Variants in CIAO1 observed in about 807,000 individuals in gnomAD.
CIAO1 encodes probable cytosolic iron-sulfur protein assembly protein CIAO1.
CIAO1 carries 32 observed loss-of-function variants against 43.1 expected under a neutral mutation model. That is an observed-to-expected ratio of 0.74 (90% CI 0.56 to 1.00). The LOEUF is 1.00. Ranked by LOEUF, CIAO1 falls within the 50% of genes least tolerant of loss-of-function variation. CIAO1 has a pLI of 0.00. For synonymous variants in CIAO1, 183 were observed against 171.4 expected (o/e 1.07, Z -0.53); for missense variants, 415 against 437.4 (o/e 0.95, Z 0.46).
At position 96,266,359 on chromosome 2, in the gene CIAO1, C is replaced by T. The variant is rs543450676; in HGVS notation, c.9C>T (p.Asp3=). MK[D]SLVLLGRVPA... ...CCCTGCGTCGGGCCGACATGAAGGA[C>T]TCGCTGGTGCTGCTGGGCCGTGTCC... is the stretch of plus-strand genomic sequence containing the variant. Residue 3 remains aspartate, a synonymous_variant, in exon 1 of 7, where the codon GAC becomes GAT. Coordinates refer to ENST00000488633, the MANE Select transcript of CIAO1 (RefSeq NM_004804.3). 2.0e-4 allele frequency: 297 copies of T among 1,460,950 alleles called. 3 individuals are homozygous for T. The South Asian group carries it at 3.7e-3, about 18-fold the overall frequency. The allele number at this position is 1,460,950 out of a possible 1,614,324, so 90.5% of individuals were successfully genotyped here. A position where few individuals can be genotyped will look rare whatever the true frequency, so the allele number is the denominator to read the frequency against.
rs2104323061 is a variant in CIAO1, at chr2:96,273,114, G to A, written c.*1763G>A. On this transcript the variant is annotated 3_prime_UTR_variant, in exon 7 of 7. Transcript: ENST00000488633. ...GTGATAAAGCTTTCAAGCAAAAATT[G>A]GAATTTCCGAAAATCTGTACTCCAC... 6.6e-6 allele frequency: 1 copy of A among 152,286 alleles called. No individual in the cohort carries two copies. Among genetic ancestry groups the A allele is most frequent in the East Asian group, 1.9e-4 (1 of 5,188 alleles). 9.4% of individuals were successfully genotyped at this position (152,286 alleles called of 1,614,324 possible).
chr2:96,268,354 A>T lies in CIAO1; in HGVS notation c.490-103A>T, dbSNP rs1684477821. The stretch of plus-strand genomic sequence containing the variant: ...GCAACAACAGCAAACTTCATCTCAA[A>T]TAAATAATAAAATAAAATAAAAGCA... On this transcript the variant is annotated intron_variant, in intron 4 of 6. Transcript: ENST00000488633. 2.9e-6 allele frequency: 3 copies of T among 1,017,162 alleles called. No individual in the cohort carries two copies. In the East Asian group the frequency reaches 7.3e-5, roughly 25 times the overall value. 63.0% of individuals were successfully genotyped at this position (1,017,162 alleles called of 1,614,324 possible).
At position 96,266,308 on chromosome 2, in the gene CIAO1, A is replaced by G; in HGVS notation, c.-43A>G. ...GCGCGGTGAGACCCGCTGTCTGCTC[A>G]GCGGACTCTGCCCGCCCCCACCTCC... On this transcript the variant is annotated 5_prime_UTR_variant, in exon 1 of 7. Coordinates refer to ENST00000488633, the MANE Select transcript of CIAO1 (RefSeq NM_004804.3). 7.4e-7 allele frequency: 1 copy of G among 1,358,904 alleles called. No homozygotes were observed. Among genetic ancestry groups the G allele is most frequent in the Non-Finnish European group, 9.6e-7 (1 of 1,042,784 alleles). 84.2% of individuals were successfully genotyped at this position (1,358,904 alleles called of 1,614,324 possible). A position where few individuals can be genotyped will look rare whatever the true frequency, so the allele number is the denominator to read the frequency against.
intron 6 of CIAO1, 28 bp from the exon 7 acceptor site, chr2:96,271,083 A>G (rs372825821): frequency 6.2e-6 from 10 of 1,613,802 alleles, no homozygotes; most frequent in South Asian, 5.5e-5. Context: ...TTAGTCAGGT[A>G]TACCCACTGA....
intron 1 of CIAO1, among the ~76,000 whole-genome samples, chr2:96,267,071 T>C (rs528666478): frequency 6.9e-6 from 1 of 144,170 alleles, no homozygotes; most frequent in Admixed American, 7.3e-5. Context: ...GAGGCGAAGA[T>C]TGCAGTGAGC....
intron 5 of CIAO1, chr2:96,269,064 G>C (rs1684492829): frequency 6.5e-6 from 4 of 613,776 alleles, no homozygotes; most frequent in South Asian, 5.8e-5. Context: ...GTCTGCAACA[G>C]AACAGGGATG....
Position 96,272,423 on chromosome 2 carries a change from A to C in CIAO1, c.*1072A>C, listed in dbSNP as rs1376891013. On this transcript the variant is annotated 3_prime_UTR_variant, in exon 7 of 7. Coordinates refer to ENST00000488633, the MANE Select transcript of CIAO1 (RefSeq NM_004804.3). ...CTTTCAGGGAGGATCTGTGAGGTCA[A>C]CTGTTGGCACTGTGGCATGAATCAA... 2.0e-5 allele frequency: 3 copies of C among 152,280 alleles called. No homozygotes were observed. Among genetic ancestry groups the C allele is most frequent in the African/African-American group, 7.2e-5 (3 of 41,466 alleles). The allele number at this position is 152,280 out of a possible 1,614,324, so 9.4% of individuals were successfully genotyped here.
intron 1 of CIAO1, 155 bp from the exon 2 acceptor site, chr2:96,267,166 C>A: frequency 2.7e-6 from 1 of 370,664 alleles, no homozygotes; most frequent in Non-Finnish European, 4.8e-6. Flanking sequence ...AAAAAGCTTC[C>A]AGACGAAGTA....
intron 6 of CIAO1, among the ~76,000 whole-genome samples, chr2:96,269,985 T>C (rs1158067887): frequency 6.6e-6 from 1 of 152,102 alleles, no homozygotes; most frequent in African/African-American, 2.4e-5. Flanking sequence ...TCTGGCCTTG[T>C]GGAAGCTGGA....
At chr2:96,266,796 C>T (rs145106100) in intron 1 of CIAO1, among the ~76,000 whole-genome samples, 100 of 152,300 alleles carry the variant, frequency 6.6e-4, no homozygotes, top group African/African-American at 2.4e-3. Flanking sequence ...ATCCCGAGGG[C>T]ATTGGGGAAC....
In CIAO1 at chr2:96,271,534, C is replaced by CT. The variant is rs1220705661; in HGVS notation, c.*185dup. 4.5e-6 allele frequency: 3 copies of CT among 660,086 alleles called. No homozygotes were observed. Among genetic ancestry groups the CT allele is most frequent in the African/African-American group, 3.6e-5 (2 of 54,938 alleles). The allele number at this position is 660,086 out of a possible 1,614,324, so 40.9% of individuals were successfully genotyped here. A position where few individuals can be genotyped will look rare whatever the true frequency, so the allele number is the denominator to read the frequency against. On this transcript the variant is annotated 3_prime_UTR_variant, in exon 7 of 7. Coordinates refer to ENST00000488633, the MANE Select transcript of CIAO1 (RefSeq NM_004804.3). ...TCCTTCCCCGCCTTTGACATGAGGC[C>CT]TTCAGTAAAGAGCTACAGAACATGA...
chr2:96,269,101 GC>G (rs1684493967), intron 5 of CIAO1, 166 bp from the exon 6 acceptor site: 2 of 636,302 alleles, frequency 3.1e-6, no homozygotes, highest in African/African-American at 1.8e-5. Context: ...CTTGAGAAAC[GC>G]CAGTCTGGCT....
intron 6 of CIAO1, 35 bp from the exon 7 acceptor site, chr2:96,271,076 G>T: frequency 6.2e-7 from 1 of 1,612,488 alleles, no homozygotes. Context: ...GGCCTAATTA[G>T]TCAGGTATAC....
rs200478657 is a variant in CIAO1, at chr2:96,267,302, G to T, written c.140-19G>T. ...GTGCTGCACCCAGCTCCAGAGCCTG[G>T]CCTGCGCTCCGCCTTTAGGTGACAG... On this transcript the variant is annotated intron_variant, in intron 1 of 6. Coordinates refer to ENST00000488633, the MANE Select transcript of CIAO1 (RefSeq NM_004804.3). The T allele has an allele frequency of 1.8e-4, 294 of 1,603,898 alleles. No homozygotes were observed. Among genetic ancestry groups the T allele is most frequent in the Non-Finnish European group, 2.4e-4 (277 of 1,173,112 alleles).
intron 6 of CIAO1, among the ~76,000 whole-genome samples, chr2:96,270,884 T>C (rs539708766): frequency 1.3e-5 from 2 of 151,974 alleles, no homozygotes; most frequent in Non-Finnish European, 2.9e-5. Context: ...CAGTTCATAA[T>C]TGCATGTCGT....
chr2:96,269,160 C>A, intron 5 of CIAO1, 108 bp from the exon 6 acceptor site: 1 of 911,028 alleles, frequency 1.1e-6, no homozygotes, highest in Non-Finnish European at 1.8e-6. Context: ...AACGGAGACA[C>A]AGACTCATAA....
rs1684500341 is a variant in CIAO1 at position 96,269,336 on chromosome 2, A to G, written c.760A>G (p.Thr254Ala). 4.3e-6 allele frequency: 7 copies of G among 1,613,936 alleles called. No individual in the cohort carries two copies. In the South Asian group the frequency reaches 7.7e-5, roughly 18 times the overall value. ...ICTLSGFHSRTIYDIAWCQLT... is the reference protein window; with the variant it reads ...ICTLSGFHSRAIYDIAWCQLT... ...TACTTTGTCCGGCTTCCACTCAAGG[A>G]CCATTTATGACATTGCTTGGTAAGA... The change falls in exon 6 of 7, where the codon ACC (threonine) becomes GCC (alanine). Residue 254 changes from threonine (T) to alanine (A), a missense_variant. Coordinates refer to ENST00000488633, the MANE Select transcript of CIAO1 (RefSeq NM_004804.3).
chr2:96,273,618 G>A lies in CIAO1; in HGVS notation c.*2267G>A, dbSNP rs1361351730. 1.4e-5 allele frequency among the ~76,000 whole-genome samples: 2 copies of A among 147,064 alleles called. No individual in the cohort carries two copies. The highest frequency in any genetic ancestry group is 6.9e-5 in the Admixed American group (1 of 14,570). ...GTGGAGGTTGCAGTGAGTCGAGATCGTGCCACTGGACTCCAGCCTGGGTGA... is the reference window on the plus strand; with the variant it reads ...GTGGAGGTTGCAGTGAGTCGAGATCATGCCACTGGACTCCAGCCTGGGTGA... On this transcript the variant is annotated 3_prime_UTR_variant, in exon 7 of 7. Transcript: ENST00000488633.
rs369528431 is a variant in CIAO1 at position 96,266,582 on chromosome 2, TC to T, written c.139+95del. The T allele has an allele frequency of 1.6e-5, 20 of 1,244,676 alleles. No individual in the cohort carries two copies. The Admixed American group carries it at 2.7e-4, about 17-fold the overall frequency. The allele number at this position is 1,244,676 out of a possible 1,614,324, so 77.1% of individuals were successfully genotyped here. A position where few individuals can be genotyped will look rare whatever the true frequency, so the allele number is the denominator to read the frequency against. Reference sequence around the variant, plus strand: ...AGCCTGCAGGGGAGGCTGAACCTGTTCCTGGCGGAGGGAGAGTGGGATGTTA... The same window carrying T: ...AGCCTGCAGGGGAGGCTGAACCTGTTCTGGCGGAGGGAGAGTGGGATGTTA... On this transcript the variant is annotated intron_variant, in intron 1 of 6. Coordinates refer to ENST00000488633, the MANE Select transcript of CIAO1 (RefSeq NM_004804.3).
Sources: gnomAD v4.1 joint callset for allele counts (sites outside exome capture counted in the v4.1 genomes callset) on GRCh38, gnomAD v4.1.1 for gene constraint, MANE v1.5 for transcripts, NCBI Gene and HGNC (gene_info 2026-07-23, HGNC 2026-07-21) for gene names.